The following C12orf42 variants were observed in gnomAD, a reference collection of about 807,000 sequenced individuals.
C12orf42 encodes uncharacterized protein C12orf42.
Under a neutral mutation model 21.6 loss-of-function variants are expected in C12orf42, and 25 were observed. The observed-to-expected ratio is 1.16, with a 90% confidence interval of 0.84 to 1.62. The LOEUF (loss-of-function observed/expected upper bound fraction) is 1.62. Among genes scored for constraint, C12orf42 ranks in the 40% most tolerant of loss-of-function variants. C12orf42 has a pLI of 0.00. For synonymous variants in C12orf42, 174 were observed against 175.0 expected, an observed-to-expected ratio of 0.99 and a Z score of 0.05; for missense variants, 483 against 459.3, an observed-to-expected ratio of 1.05 and a Z score of -0.47.
At position 103,433,534 on chromosome 12, in the gene C12orf42, T is replaced by C. The variant is rs559456736; in HGVS notation, c.79-31859A>G. Among the ~76,000 whole-genome samples the C allele has an allele frequency of 4.6e-5, 7 of 152,304 alleles. No homozygotes were observed. The South Asian group carries it at 1.2e-3, about 27-fold the overall frequency. ...ACAATTGTACCAGTATCTAATTGAA[T>C]CTGTAGATCTAACTACCCATTTGTA... is the stretch of plus-strand genomic sequence containing the variant. On this transcript the variant is annotated intron_variant, in intron 2 of 5. Transcript: ENST00000548883.
intron 4 of C12orf42, among the ~76,000 whole-genome samples, chr12:103,295,217 T>C (rs537949255): frequency 9.9e-5 from 15 of 152,270 alleles, no homozygotes; most frequent in African/African-American, 3.4e-4. Flanking sequence ...CTACAAATCC[T>C]CAACATCACA....
chr12:103,279,567 A>G (rs2035978607), intron 4 of C12orf42, among the ~76,000 whole-genome samples: 1 of 152,232 alleles, frequency 6.6e-6, no homozygotes, highest in African/African-American at 2.4e-5. Flanking sequence ...CACCTTCCAC[A>G]CATGCTAGTT....
chr12:103,523,179 A>T, the C12orf42 span, among the ~76,000 whole-genome samples: 1 of 152,216 alleles, frequency 6.6e-6, no homozygotes, highest in Admixed American at 6.5e-5. Flanking sequence ...CTTTTGGACC[A>T]GTAGGTCCCA....
At chr12:103,291,037 T>A (rs1324422933) in intron 4 of C12orf42, among the ~76,000 whole-genome samples, 2 of 150,562 alleles carry the variant, frequency 1.3e-5, no homozygotes, top group Admixed American at 1.3e-4. Context: ...AATATTTTTT[T>A]AAAAAAGAAA....
chr12:103,420,913 C>A (rs762890332), intron 2 of C12orf42, among the ~76,000 whole-genome samples: 1 of 152,162 alleles, frequency 6.6e-6, no homozygotes, highest in Non-Finnish European at 1.5e-5. Context: ...GCGTTAATTC[C>A]ACTATTTCTT....
At chr12:103,280,511 C>T (rs1299847388) in intron 4 of C12orf42, among the ~76,000 whole-genome samples, 8 of 151,832 alleles carry the variant, frequency 5.3e-5, no homozygotes, top group African/African-American at 1.5e-4. Flanking sequence ...CTCAGCTACT[C>T]GGGAGGTTGA....
At chr12:103,449,456 C>A (rs529975122) in intron 2 of C12orf42, among the ~76,000 whole-genome samples, 29 of 151,790 alleles carry the variant, frequency 1.9e-4, no homozygotes, top group African/African-American at 7.0e-4. Context: ...ATTCATGTAA[C>A]CAAACACCCC....
At chr12:103,484,231 C>T (rs1224612870) in intron 1 of C12orf42, among the ~76,000 whole-genome samples, 14 of 152,180 alleles carry the variant, frequency 9.2e-5, no homozygotes, top group Admixed American at 6.5e-4. Context: ...CTTGAGGAAT[C>T]GCCACACTGT....
chr12:103,104,772 A>G, the C12orf42 span, among the ~76,000 whole-genome samples: 1 of 152,340 alleles, frequency 6.6e-6, no homozygotes, highest in South Asian at 2.1e-4. Context: ...AACAAAGAAG[A>G]TATGGCCTTG....
intron 4 of C12orf42, among the ~76,000 whole-genome samples, chr12:103,345,611 C>CATATTTAAT (rs2042550286): frequency 6.6e-6 from 1 of 151,942 alleles, no homozygotes; most frequent in Admixed American, 6.6e-5. Flanking sequence ...AATATGTAGC[C>CATATTTAAT]AGAGCAATAG....
rs1370615871 is a variant in C12orf42 at position 103,437,544 on chromosome 12, T to C, written c.79-35869A>G. ...AAGAAAAAAAGAGAGAAGAATCAAATAGACACAATAAAAAATGATAAAGGG... is the reference window on the plus strand; with the variant it reads ...AAGAAAAAAAGAGAGAAGAATCAAACAGACACAATAAAAAATGATAAAGGG... On this transcript the variant is annotated intron_variant, in intron 2 of 5. Transcript: ENST00000548883. 2.0e-5 allele frequency among the ~76,000 whole-genome samples: 3 copies of C among 151,800 alleles called. No individual in the cohort carries two copies. In the East Asian group the frequency reaches 5.8e-4, roughly 29 times the overall value.
chr12:103,553,197 A>G, the C12orf42 span, among the ~76,000 whole-genome samples: 6 of 152,178 alleles, frequency 3.9e-5, no homozygotes, highest in Non-Finnish European at 8.8e-5. Context: ...TCTCAGTTTG[A>G]AAACCAAAAG....
intron 4 of C12orf42, among the ~76,000 whole-genome samples, chr12:103,324,162 G>GT (rs2040449794): frequency 6.6e-6 from 1 of 152,014 alleles, no homozygotes; most frequent in Non-Finnish European, 1.5e-5. Flanking sequence ...TTAATGTCCT[G>GT]TATCATTTTT....
At chr12:103,295,950 G>A (rs1331218869) in intron 4 of C12orf42, among the ~76,000 whole-genome samples, 1 of 151,434 alleles carries the variant, frequency 6.6e-6, no homozygotes, top group Non-Finnish European at 1.5e-5. Flanking sequence ...TGCCATGTTG[G>A]TGTGCTGCAC....
chr12:103,448,322 C>T (rs976247421), intron 2 of C12orf42, among the ~76,000 whole-genome samples: 1 of 152,068 alleles, frequency 6.6e-6, no homozygotes, highest in African/African-American at 2.4e-5. Context: ...AAATCTAAGA[C>T]CTGAAACCAT....
At chr12:103,118,521 G>A in the C12orf42 span, among the ~76,000 whole-genome samples, 1 of 152,050 alleles carries the variant, frequency 6.6e-6, no homozygotes, top group Non-Finnish European at 1.5e-5. Context: ...GCTTTTGGCT[G>A]GGCGCGGTGG....
the C12orf42 span, among the ~76,000 whole-genome samples, chr12:103,191,151 A>T: frequency 6.6e-6 from 1 of 152,280 alleles, no homozygotes; most frequent in East Asian, 1.9e-4. Context: ...AACAAAGAAA[A>T]CTATACCAAG....
the C12orf42 span, among the ~76,000 whole-genome samples, chr12:103,185,174 T>C: frequency 2.0e-5 from 3 of 152,288 alleles, no homozygotes; most frequent in South Asian, 2.1e-4. Context: ...TTTTCTATTG[T>C]AGACATTTAG....
chr12:103,506,660 T>G, the C12orf42 span, among the ~76,000 whole-genome samples: 11,201 of 149,190 alleles, frequency 0.075, 630 homozygotes, highest in South Asian at 0.26. Context: ...ATGATAAAGT[T>G]GCTTAACTTC....
Sources: gnomAD v4.1 joint callset for allele counts (sites outside exome capture counted in the v4.1 genomes callset) on GRCh38, gnomAD v4.1.1 for gene constraint, MANE v1.5 for transcripts, NCBI Gene and HGNC (gene_info 2026-07-23, HGNC 2026-07-21) for gene names.